Variants in INPP4B observed in about 807,000 individuals in gnomAD.
The protein encoded by INPP4B is inositol polyphosphate-4-phosphatase type II B.
INPP4B carries 55 observed loss-of-function variants against 122.5 expected under a neutral mutation model. That is an observed-to-expected ratio of 0.45 (90% CI 0.36 to 0.56). The LOEUF is 0.56. INPP4B is among the 20% of genes least tolerant of loss of function. The pLI is 0.00. For missense variants in INPP4B, 1,000 were observed against 1,097.7 expected, an observed-to-expected ratio of 0.91 and a Z score of 1.26; for synonymous variants, 403 against 388.7, an observed-to-expected ratio of 1.04 and a Z score of -0.43.
At chr4:142,665,920 T>C (rs1755967256) in intron 2 of INPP4B, among the ~76,000 whole-genome samples, 1 of 152,174 alleles carries the variant, frequency 6.6e-6, no homozygotes, top group Admixed American at 6.5e-5. Flanking sequence ...TATACATGCT[T>C]ATGATAAGGT....
At chr4:142,197,100 T>C (rs1461655935) in intron 14 of INPP4B, among the ~76,000 whole-genome samples, 1 of 74,176 alleles carries the variant, frequency 1.3e-5, no homozygotes, top group East Asian at 4.1e-4. Context: ...CACTCCAGCC[T>C]GGGCAATAAG....
chr4:142,785,804 G>T lies in INPP4B; in HGVS notation c.-253-59903C>A, dbSNP rs138537048. ...AGTATTAATGACAGTCATCAAAACC[G>T]TGGATTCAGGAAGCTCAGAGAACAC... On this transcript the variant is annotated intron_variant, in intron 1 of 25. Coordinates refer to ENST00000262992, the MANE Select transcript of INPP4B (RefSeq NM_001101669.3). Among the ~76,000 whole-genome samples, 274 of 152,116 alleles carry T rather than the reference G, an allele frequency of 1.8e-3. 4 individuals carry two copies. The highest frequency in any genetic ancestry group is 6.0e-4 in the Non-Finnish European group (41 of 67,986).
At chr4:142,348,628 A>G (rs937790721) in intron 7 of INPP4B, among the ~76,000 whole-genome samples, 1 of 152,042 alleles carries the variant, frequency 6.6e-6, no homozygotes, top group East Asian at 1.9e-4. Context: ...TTCTTTCTCA[A>G]TAAGAGCTTG....
At chr4:142,730,317 G>GT (rs905283823) in intron 1 of INPP4B, among the ~76,000 whole-genome samples, 1 of 152,094 alleles carries the variant, frequency 6.6e-6, no homozygotes, top group Non-Finnish European at 1.5e-5. Context: ...CACAATTTGT[G>GT]TTTTAAGAAA....
intron 3 of INPP4B, among the ~76,000 whole-genome samples, chr4:142,456,034 T>G (rs1285541481): frequency 7.2e-5 from 11 of 152,052 alleles, no homozygotes; most frequent in Admixed American, 6.6e-4. Context: ...TTTCAGATCC[T>G]TATATATTCT....
intron 20 of INPP4B, 94 bp downstream of exon 20, chr4:142,123,198 G>GC (rs1797284090): frequency 1.9e-6 from 2 of 1,059,606 alleles, no homozygotes; most frequent in Admixed American, 5.2e-5. Context: ...CACAATAAAG[G>GC]TTTACTTATT....
At chr4:142,791,484 A>G (rs1443926339) in intron 1 of INPP4B, among the ~76,000 whole-genome samples, 1 of 152,058 alleles carries the variant, frequency 6.6e-6, no homozygotes, top group East Asian at 1.9e-4. Context: ...GCAGCCAGCA[A>G]GGGGTAGATA....
intron 25 of INPP4B, among the ~76,000 whole-genome samples, chr4:142,037,369 T>C (rs1240686536): frequency 2.0e-5 from 3 of 152,120 alleles, no homozygotes; most frequent in Admixed American, 6.6e-5. Context: ...AGATCACAAG[T>C]CACACCCATC....
intron 2 of INPP4B, among the ~76,000 whole-genome samples, chr4:142,552,748 C>G (rs985393877): frequency 6.6e-6 from 1 of 152,156 alleles, no homozygotes; most frequent in Admixed American, 6.5e-5. Context: ...CTTAATATTA[C>G]AGCAGCTCCA....
intron 9 of INPP4B, among the ~76,000 whole-genome samples, chr4:142,288,311 G>A (rs181323433): frequency 3.6e-3 from 549 of 152,330 alleles, no homozygotes; most frequent in Non-Finnish European, 6.0e-3. Flanking sequence ...TAGGCCGGGC[G>A]TGTTGGCTCA....
At chr4:142,375,142 C>T (rs1791382591) in intron 7 of INPP4B, among the ~76,000 whole-genome samples, 1 of 151,818 alleles carries the variant, frequency 6.6e-6, no homozygotes, top group East Asian at 1.9e-4. Context: ...CCAGCAACCT[C>T]CCAATCAATA....
At chr4:142,423,805 T>A (rs116493280) in intron 5 of INPP4B, 1 of 437,958 alleles carries the variant, frequency 2.3e-6, no homozygotes, top group Non-Finnish European at 4.5e-6. Context: ...AGAGTGAATA[T>A]GAAGTTAATT....
chr4:142,381,863 T>C (rs1250403992), intron 7 of INPP4B, among the ~76,000 whole-genome samples: 1 of 152,128 alleles, frequency 6.6e-6, no homozygotes, highest in Non-Finnish European at 1.5e-5. Flanking sequence ...TCTTGCAGTC[T>C]GCTTCAGGAT....
chr4:142,790,895 G>A (rs994735967), intron 1 of INPP4B, among the ~76,000 whole-genome samples: 4 of 151,662 alleles, frequency 2.6e-5, no homozygotes, highest in African/African-American at 4.8e-5. Context: ...TGGGTGCACC[G>A]GTAAATGAAC....
chr4:142,360,853 C>A (rs975591198), intron 7 of INPP4B, among the ~76,000 whole-genome samples: 1 of 151,864 alleles, frequency 6.6e-6, no homozygotes, highest in African/African-American at 2.4e-5. Context: ...AGAAACCTAC[C>A]AAAGTGACTC....
chr4:142,157,630 T>C lies in INPP4B; in HGVS notation c.1563+2728A>G, dbSNP rs373244605. Among the ~76,000 whole-genome samples, 17 of 152,222 alleles carry C rather than the reference T, an allele frequency of 1.1e-4. No homozygotes were observed. The East Asian group carries it at 3.3e-3, about 29-fold the overall frequency. ...TGAAGGACAACAAGAGAAACTGAGATGACAGCTTTTCATCAACTGGAGAAA... is the reference window on the plus strand; with the variant it reads ...TGAAGGACAACAAGAGAAACTGAGACGACAGCTTTTCATCAACTGGAGAAA... On this transcript the variant is annotated intron_variant, in intron 17 of 25. Coordinates refer to ENST00000262992, the MANE Select transcript of INPP4B (RefSeq NM_001101669.3).
At chr4:142,608,683 A>G (rs1741830735) in intron 2 of INPP4B, among the ~76,000 whole-genome samples, 2 of 152,242 alleles carry the variant, frequency 1.3e-5, no homozygotes, top group South Asian at 4.1e-4. Flanking sequence ...ACACCCTCCA[A>G]GACTTATCAT....
At chr4:142,831,437 G>T (rs1477989645) in intron 1 of INPP4B, among the ~76,000 whole-genome samples, 3 of 152,202 alleles carry the variant, frequency 2.0e-5, no homozygotes, top group Non-Finnish European at 2.9e-5. Flanking sequence ...TTGAGCAAAA[G>T]AATTGTGACT....
chr4:142,116,643 T>A (rs942154086), intron 21 of INPP4B, among the ~76,000 whole-genome samples: 2 of 152,114 alleles, frequency 1.3e-5, no homozygotes, highest in Non-Finnish European at 2.9e-5. Context: ...TACCAGAATC[T>A]CTGGACACAT....
Sources: gnomAD v4.1 joint callset for allele counts (sites outside exome capture counted in the v4.1 genomes callset) on GRCh38, gnomAD v4.1.1 for gene constraint, MANE v1.5 for transcripts, NCBI Gene and HGNC (gene_info 2026-07-23, HGNC 2026-07-21) for gene names.